Variants in MAP2K6 observed in about 807,000 individuals in gnomAD.
The protein encoded by MAP2K6 is mitogen-activated protein kinase kinase 6, also known as dual specificity mitogen-activated protein kinase kinase 6.
In MAP2K6, 16 loss-of-function variants were observed where a neutral mutation model predicts 53.7. The ratio of observed to expected loss-of-function variants is 0.30; its 90% CI spans 0.20 to 0.45. The LOEUF (loss-of-function observed/expected upper bound fraction) is 0.45. Among genes scored for constraint, MAP2K6 ranks in the 20% least tolerant of loss-of-function variants. The pLI is 1.00. For missense variants in MAP2K6, 204 were observed against 411.9 expected (o/e 0.50, Z 4.37); for synonymous variants, 132 against 143.1 (o/e 0.92, Z 0.55).
At chr17:69,499,389 G>A (rs1909069310) in intron 1 of MAP2K6, among the ~76,000 whole-genome samples, 2 of 152,182 alleles carry the variant, frequency 1.3e-5, no homozygotes, top group South Asian at 4.1e-4. Context: ...TGTGTCAATC[G>A]AGTCTCTTAA....
chr17:69,496,896 C>T, intron 1 of MAP2K6, among the ~76,000 whole-genome samples: 1 of 152,106 alleles, frequency 6.6e-6, no homozygotes, highest in East Asian at 1.9e-4. Flanking sequence ...CCTGACTTTC[C>T]TCTTTCACTT....
rs146952117 is a variant in MAP2K6, at chr17:69,540,159, G to A, written c.928-1517G>A. Among the ~76,000 whole-genome samples the A allele has an allele frequency of 3.4e-4, 52 of 152,144 alleles. No individual in the cohort carries two copies. In the East Asian group the frequency reaches 8.3e-3, roughly 24 times the overall value. ...CATGAGCAGGAACTCAGTTTTCCACGGAGCTGACTCATCCAACCCTCTGCT... is the reference window on the plus strand; with the variant it reads ...CATGAGCAGGAACTCAGTTTTCCACAGAGCTGACTCATCCAACCCTCTGCT... On this transcript the variant is annotated intron_variant, in intron 11 of 11. Transcript: ENST00000590474.
At position 69,541,682 on chromosome 17, in the gene MAP2K6, C is replaced by G. The variant is rs1911644075; in HGVS notation, c.934C>G (p.Pro312Ala). The G allele has an allele frequency of 1.2e-6, 2 of 1,611,280 alleles. No individual in the cohort carries two copies. Among genetic ancestry groups the G allele is most frequent in the Non-Finnish European group, 1.7e-6 (2 of 1,178,086 alleles). Reference protein sequence around the residue: ...RPTYPELMQHPFFTLHESKGT... With the variant: ...RPTYPELMQHAFFTLHESKGT... ...TTTTCTTTTTCTTTTCCAGCAACAT[C>G]CATTTTTCACCCTACATGAATCCAA... is the stretch of plus-strand genomic sequence containing the variant. Residue 312 changes from proline to alanine, a missense_variant, in exon 12 of 12, where the codon CCA (proline) becomes GCA (alanine). By Grantham distance (27) the Pro-to-Ala change is conservative. Coordinates refer to ENST00000590474, the MANE Select transcript of MAP2K6 (RefSeq NM_002758.4).
chr17:69,525,601 G>A lies in MAP2K6; in HGVS notation c.741+623G>A, dbSNP rs146816286. On this transcript the variant is annotated intron_variant, in intron 9 of 11. Coordinates refer to ENST00000590474, the MANE Select transcript of MAP2K6 (RefSeq NM_002758.4). Reference sequence around the variant, plus strand: ...AGGTGAAAGGCACATCTTATATGGCGGCAGACAAGAGAGAATGAGATGAGA... The same window carrying A: ...AGGTGAAAGGCACATCTTATATGGCAGCAGACAAGAGAGAATGAGATGAGA... 9.9e-5 allele frequency among the ~76,000 whole-genome samples: 15 copies of A among 152,284 alleles called. No individual in the cohort carries two copies. The East Asian group carries it at 1.9e-3, about 20-fold the overall frequency.
chr17:69,440,377 A>G (rs1025646534), intron 1 of MAP2K6, among the ~76,000 whole-genome samples: 5 of 152,146 alleles, frequency 3.3e-5, no homozygotes, highest in African/African-American at 9.7e-5. Flanking sequence ...CTTTCCAATC[A>G]GTATGCCTTA....
intron 1 of MAP2K6, among the ~76,000 whole-genome samples, chr17:69,439,441 G>T (rs1201213883): frequency 1.3e-5 from 2 of 152,160 alleles, no homozygotes; most frequent in African/African-American, 2.4e-5. Flanking sequence ...AGATGCCTGA[G>T]ATTTCTAGCA....
chr17:69,416,306 T>C (rs1429433646), intron 1 of MAP2K6, among the ~76,000 whole-genome samples: 1 of 152,200 alleles, frequency 6.6e-6, no homozygotes, highest in Non-Finnish European at 1.5e-5. Flanking sequence ...AGTAGCACTC[T>C]GCTTTTCTTT....
intron 1 of MAP2K6, among the ~76,000 whole-genome samples, chr17:69,501,281 G>A (rs879782873): frequency 3.3e-5 from 5 of 152,132 alleles, no homozygotes; most frequent in South Asian, 2.1e-4. Flanking sequence ...ATATCTTCAC[G>A]ATGCCACCTT....
intron 2 of MAP2K6, among the ~76,000 whole-genome samples, chr17:69,508,465 G>A (rs1047011102): frequency 2.0e-5 from 3 of 152,138 alleles, no homozygotes; most frequent in African/African-American, 7.2e-5. Flanking sequence ...TGAAATGTCT[G>A]TGCATATCTT....
chr17:69,496,340 C>T (rs373893970), intron 1 of MAP2K6, among the ~76,000 whole-genome samples: 4 of 149,138 alleles, frequency 2.7e-5, no homozygotes, highest in Admixed American at 6.7e-5. Flanking sequence ...GGTGCGATCT[C>T]GGCTCACTGC....
In MAP2K6 at chr17:69,552,804, C is replaced by G. The variant is rs1159535479; in HGVS notation, c.*11051C>G. On this transcript the variant is annotated 3_prime_UTR_variant, in exon 12 of 12. Transcript: ENST00000590474. Reference sequence around the variant, plus strand: ...GCCTGTTGGCTTTGGTGGCTCCAAACATTTTCATTTTAGGCTAGCTTTCCT... The same window carrying G: ...GCCTGTTGGCTTTGGTGGCTCCAAAGATTTTCATTTTAGGCTAGCTTTCCT... 1 of 152,094 alleles carries G rather than the reference C, an allele frequency of 6.6e-6. No homozygotes were observed. The highest frequency in any genetic ancestry group is 2.4e-5 in the African/African-American group (1 of 41,410). 9.4% of individuals were successfully genotyped at this position (152,094 alleles called of 1,614,324 possible).
chr17:69,448,603 C>CA (rs1030675799), intron 1 of MAP2K6, among the ~76,000 whole-genome samples: 2 of 149,248 alleles, frequency 1.3e-5, no homozygotes, highest in Admixed American at 1.3e-4. Flanking sequence ...TTTCTTTCTG[C>CA]TTTTTTTTTT....
intron 1 of MAP2K6, among the ~76,000 whole-genome samples, chr17:69,421,034 G>T (rs1906061753): frequency 6.6e-6 from 1 of 152,074 alleles, no homozygotes; most frequent in African/African-American, 2.4e-5. Flanking sequence ...GCCCTTGCTG[G>T]GTAACTAAAC....
At chr17:69,437,552 T>C (rs189794952) in intron 1 of MAP2K6, among the ~76,000 whole-genome samples, 2 of 152,376 alleles carry the variant, frequency 1.3e-5, no homozygotes, top group East Asian at 1.9e-4. Flanking sequence ...CAACTGTATA[T>C]GTATATATTT....
chr17:69,445,300 T>C (rs953097506), intron 1 of MAP2K6, among the ~76,000 whole-genome samples: 2 of 152,176 alleles, frequency 1.3e-5, no homozygotes, highest in Admixed American at 1.3e-4. Flanking sequence ...AGTTAAGCAG[T>C]GGAGAGAAAA....
intron 2 of MAP2K6, among the ~76,000 whole-genome samples, 192 bp downstream of exon 2, chr17:69,506,038 C>T (rs944524678): frequency 6.6e-6 from 1 of 152,218 alleles, no homozygotes; most frequent in African/African-American, 2.4e-5. Context: ...TAGTTTTGAA[C>T]TCAGTGTCTT....
chr17:69,420,594 A>G (rs1259852269), intron 1 of MAP2K6, among the ~76,000 whole-genome samples: 1 of 152,224 alleles, frequency 6.6e-6, no homozygotes, highest in Non-Finnish European at 1.5e-5. Flanking sequence ...TTTTACACAT[A>G]AGCTAACTGA....
chr17:69,473,514 A>G (rs948162600), intron 1 of MAP2K6, among the ~76,000 whole-genome samples: 1 of 152,184 alleles, frequency 6.6e-6, no homozygotes, highest in East Asian at 1.9e-4. Flanking sequence ...TTTCTTCCTT[A>G]TACCTTTCTT....
intron 1 of MAP2K6, among the ~76,000 whole-genome samples, chr17:69,490,023 C>T (rs1350304533): frequency 6.6e-6 from 1 of 152,164 alleles, no homozygotes; most frequent in Non-Finnish European, 1.5e-5. Context: ...TTCCAGGTTG[C>T]AGGATTTGAG....
Sources: allele counts gnomAD v4.1 joint callset (sites outside exome capture counted in the v4.1 genomes callset), GRCh38; gene constraint gnomAD v4.1.1; transcripts MANE v1.5; gene names NCBI Gene and HGNC (gene_info 2026-07-23, HGNC 2026-07-21).